Variants in C9orf85 observed in about 807,000 individuals in gnomAD.
The protein encoded by C9orf85 is uncharacterized protein C9orf85.
Under a neutral mutation model 14.9 loss-of-function variants are expected in C9orf85, and 16 were observed. The ratio of observed to expected loss-of-function variants is 1.08; its 90% CI spans 0.73 to 1.63. C9orf85 has a LOEUF of 1.63. C9orf85 is among the 40% of genes most tolerant of loss of function. C9orf85 has a pLI of 0.00. For synonymous variants in C9orf85, 45 were observed against 56.8 expected (o/e 0.79, Z 0.93); for missense variants, 172 against 186.1 (o/e 0.92, Z 0.44).
intron 1 of C9orf85, among the ~76,000 whole-genome samples, chr9:71,912,180 T>C (rs10781048): frequency 0.95 from 144,530 of 152,144 alleles, 69,112 homozygotes; most frequent in East Asian, 1. Flanking sequence ...ATGAGTGGCT[T>C]TTTCAAATTT....
intron 2 of C9orf85, among the ~76,000 whole-genome samples, chr9:71,970,684 G>A (rs548617411): frequency 2.0e-4 from 30 of 151,932 alleles, no homozygotes; most frequent in Admixed American, 4.6e-4. Context: ...GGCTATCCTG[G>A]GTGCCTAGAA....
chr9:71,970,275 G>A (rs975194016), intron 2 of C9orf85, among the ~76,000 whole-genome samples: 2 of 152,038 alleles, frequency 1.3e-5, no homozygotes, highest in East Asian at 3.9e-4. Context: ...AATATGTTGA[G>A]GTTGGTTTCA....
At chr9:71,929,653 A>G (rs1424538125) in intron 1 of C9orf85, among the ~76,000 whole-genome samples, 1 of 152,100 alleles carries the variant, frequency 6.6e-6, no homozygotes, top group Non-Finnish European at 1.5e-5. Context: ...TAAATAATGT[A>G]TAATACTCTA....
chr9:71,963,396 G>A (rs893615505), intron 2 of C9orf85, among the ~76,000 whole-genome samples: 11 of 152,194 alleles, frequency 7.2e-5, no homozygotes, highest in East Asian at 1.9e-4. Context: ...CACAGCCCTC[G>A]CTCGCTCTCG....
At position 71,981,901 on chromosome 9, in the gene C9orf85, G is replaced by A. The variant is rs149686686; in HGVS notation, c.324-756G>A. On this transcript the variant is annotated intron_variant, in intron 3 of 3. Coordinates refer to the C9orf85 transcript ENST00000377031. Reference sequence around the variant, plus strand: ...CTCTATATTTTTAAAATGCTTTATCGAGGCATAATTTACATGTGTAAGACT... The same window carrying A: ...CTCTATATTTTTAAAATGCTTTATCAAGGCATAATTTACATGTGTAAGACT... Among the ~76,000 whole-genome samples, 3 of 152,142 alleles carry A rather than the reference G, an allele frequency of 2.0e-5. No individual in the cohort carries two copies. The East Asian group carries it at 5.8e-4, about 29-fold the overall frequency.
At chr9:71,934,115 G>A (rs1269802702) in intron 1 of C9orf85, among the ~76,000 whole-genome samples, 2 of 152,086 alleles carry the variant, frequency 1.3e-5, no homozygotes, top group Non-Finnish European at 2.9e-5. Context: ...GGGCCAAGGT[G>A]GGCAGATCAC....
downstream of C9orf85, chr9:71,983,899 A>G (rs1247183306): frequency 6.6e-6 from 1 of 152,196 alleles, no homozygotes; most frequent in Non-Finnish European, 1.5e-5. Flanking sequence ...GGATATATGT[A>G]TGTATGTACT....
At chr9:71,946,365 T>A (rs117314098) in intron 1 of C9orf85, among the ~76,000 whole-genome samples, 2,642 of 152,332 alleles carry the variant, frequency 0.017, 50 homozygotes, top group Non-Finnish European at 0.026. Context: ...TCTTCAAATA[T>A]GAGCAAGGTT....
chr9:71,978,565 C>A (rs1231903783), intron 3 of C9orf85, among the ~76,000 whole-genome samples: 1 of 152,088 alleles, frequency 6.6e-6, no homozygotes, highest in Non-Finnish European at 1.5e-5. Context: ...ATGCAAAGTT[C>A]AGAAATCGTT....
intron 2 of C9orf85, among the ~76,000 whole-genome samples, chr9:71,963,580 G>C (rs981331861): frequency 2.6e-5 from 4 of 152,218 alleles, no homozygotes; most frequent in Non-Finnish European, 5.9e-5. Context: ...CGAGGCGCTT[G>C]CGGGCCAGCT....
intron 1 of C9orf85, among the ~76,000 whole-genome samples, chr9:71,934,933 A>C (rs1211240680): frequency 5.9e-5 from 9 of 152,194 alleles, no homozygotes; most frequent in Admixed American, 5.9e-4. Flanking sequence ...CAAAAGAAAC[A>C]GCCCAATTCA....
At chr9:71,965,168 G>C (rs750629055) in intron 2 of C9orf85, among the ~76,000 whole-genome samples, 8 of 152,212 alleles carry the variant, frequency 5.3e-5, no homozygotes, top group Admixed American at 1.3e-4. Flanking sequence ...GGGACCCAAA[G>C]AGGGTAGCCA....
rs3044594 is a variant in C9orf85 at position 71,968,101 on chromosome 9, T to TAGAGAG, written c.210-3391_210-3386dup. On this transcript the variant is annotated intron_variant, in intron 2 of 3. Transcript: ENST00000334731. ...ATCCATTGCTGCATATATATATATA[T>TAGAGAG]AGAGAGAGAGAGAGAGAGTGCATGC... Among the ~76,000 whole-genome samples the TAGAGAG allele has an allele frequency of 1.6e-3, 239 of 146,768 alleles. 2 individuals carry two copies. Among genetic ancestry groups the TAGAGAG allele is most frequent in the African/African-American group, 4.4e-3 (174 of 39,746 alleles).
intron 1 of C9orf85, among the ~76,000 whole-genome samples, chr9:71,937,615 G>A (rs1828222443): frequency 6.6e-6 from 1 of 152,124 alleles, no homozygotes; most frequent in African/African-American, 2.4e-5. Context: ...AGTATTTCTA[G>A]TATATACTTT....
exon 4 of C9orf85, chr9:71,983,223 T>A (rs185094256): frequency 1.0e-3 from 157 of 152,592 alleles, no homozygotes; most frequent in Non-Finnish European, 1.6e-3. Context: ...CTCCATCTAC[T>A]GACCTTGTGA....
chr9:71,948,910 A>G (rs1231615211), intron 2 of C9orf85, among the ~76,000 whole-genome samples: 1 of 151,622 alleles, frequency 6.6e-6, no homozygotes, highest in Non-Finnish European at 1.5e-5. Flanking sequence ...ACTCTTAAAC[A>G]AGTCTGATGA....
At chr9:71,913,749 T>C (rs1827576543) in intron 1 of C9orf85, among the ~76,000 whole-genome samples, 1 of 147,826 alleles carries the variant, frequency 6.8e-6, no homozygotes, top group African/African-American at 2.4e-5. Context: ...TATTTAACTA[T>C]AGTGTAGCTT....
At chr9:71,968,352 G>T (rs996747391) in intron 2 of C9orf85, among the ~76,000 whole-genome samples, 2 of 150,086 alleles carry the variant, frequency 1.3e-5, no homozygotes, top group Non-Finnish European at 3.0e-5. Flanking sequence ...ATTTGTATAT[G>T]ATCAGTATTA....
At chr9:71,970,519 T>G (rs1822830754) in intron 2 of C9orf85, among the ~76,000 whole-genome samples, 1 of 152,186 alleles carries the variant, frequency 6.6e-6, no homozygotes, top group Non-Finnish European at 1.5e-5. Context: ...ATTTCCACTA[T>G]TTTGCCTGTA....
Sources: gnomAD v4.1 joint callset for allele counts (sites outside exome capture counted in the v4.1 genomes callset) on GRCh38, gnomAD v4.1.1 for gene constraint, MANE v1.5 for transcripts, NCBI Gene and HGNC (gene_info 2026-07-23, HGNC 2026-07-21) for gene names.